The following TCTN2 variants were observed in gnomAD, a reference collection of about 807,000 sequenced individuals.
TCTN2 encodes tectonic-2.
A neutral mutation model predicts 83.4 loss-of-function variants in TCTN2; 66 were observed. The observed-to-expected ratio is 0.79, with a 90% CI of 0.65 to 0.97. The LOEUF is 0.97. Ranked by LOEUF, TCTN2 falls within the 50% of genes least tolerant of loss-of-function variation. The pLI is 0.00. For missense variants in TCTN2, 794 were observed against 858.1 expected (o/e 0.93, Z 0.93); for synonymous variants, 301 against 326.7 (o/e 0.92, Z 0.85).
At chr12:123,707,124 A>T in intron 17 of TCTN2, 51 bp downstream of exon 17, 1 of 1,503,492 alleles carries the variant, frequency 6.7e-7, no homozygotes, top group Non-Finnish European at 9.2e-7. Context: ...AATTTAAAAA[A>T]ATTTTTTAAA....
chr12:123,697,004 TTC>T lies in TCTN2; in HGVS notation c.1394-81_1394-80del. 3 of 1,112,988 alleles carry T rather than the reference TTC, an allele frequency of 2.7e-6. No homozygotes were observed. The South Asian group carries it at 3.8e-5, about 14-fold the overall frequency. 68.9% of individuals were successfully genotyped at this position (1,112,988 alleles called of 1,614,324 possible). Reference sequence around the variant, plus strand: ...GGCAACTTTATTTCTACTTACTGTTTTCTGTTTTTCACGGAAAACTGAAGTTA... The same window carrying T: ...GGCAACTTTATTTCTACTTACTGTTTTGTTTTTCACGGAAAACTGAAGTTA... On this transcript the variant is annotated intron_variant, in intron 12 of 17. Coordinates refer to ENST00000303372, the MANE Select transcript of TCTN2 (RefSeq NM_024809.5).
At chr12:123,699,610 A>C (rs1217221081) in intron 13 of TCTN2, 94 bp from the exon 14 acceptor site, 1 of 1,033,158 alleles carries the variant, frequency 9.7e-7, no homozygotes, top group Non-Finnish European at 1.5e-6. Flanking sequence ...TTTTTAATTT[A>C]GGCACTCGGA....
At chr12:123,677,541 GCT>G (rs1292589844) in intron 4 of TCTN2, among the ~76,000 whole-genome samples, 1 of 152,212 alleles carries the variant, frequency 6.6e-6, no homozygotes. Context: ...GAGTTAGGAG[GCT>G]GAAATGTCGT....
intron 14 of TCTN2, among the ~76,000 whole-genome samples, chr12:123,700,664 C>G (rs890815964): frequency 2.6e-5 from 4 of 152,190 alleles, no homozygotes; most frequent in African/African-American, 9.6e-5. Flanking sequence ...AACTCCTGAC[C>G]CCGTGATCCA....
chr12:123,692,616 C>A (rs1264327844), intron 8 of TCTN2, 42 bp from the exon 9 acceptor site: 2 of 1,441,638 alleles, frequency 1.4e-6, no homozygotes, highest in Non-Finnish European at 9.8e-7. Flanking sequence ...CATGGTAGGC[C>A]ATGTGTACGC....
intron 13 of TCTN2, among the ~76,000 whole-genome samples, chr12:123,699,261 C>T (rs1593862326): frequency 1.3e-5 from 2 of 151,694 alleles, no homozygotes; most frequent in African/African-American, 4.8e-5. Flanking sequence ...CTTATGCGCT[C>T]CTCCCACCTC....
At position 123,679,123 on chromosome 12, in the gene TCTN2, A is replaced by G. The variant is rs1955862031; in HGVS notation, c.464-66A>G. On this transcript the variant is annotated intron_variant, in intron 4 of 17. Coordinates refer to ENST00000303372, the MANE Select transcript of TCTN2 (RefSeq NM_024809.5). ...ATAATTCAGCTTTCTTTTGAATGTC[A>G]AAAATGTGACTGTGCTTTGTCGGAA... The G allele has an allele frequency of 1.3e-5, 18 of 1,437,132 alleles. No individual in the cohort carries two copies. The South Asian group carries it at 1.5e-4, about 12-fold the overall frequency. The allele number at this position is 1,437,132 out of a possible 1,614,324, so 89.0% of individuals were successfully genotyped here. A position where few individuals can be genotyped will look rare whatever the true frequency, so the allele number is the denominator to read the frequency against.
Position 123,671,339 on chromosome 12 carries a change from A to G in TCTN2, c.82+17A>G. ...GGGACCTGGGTGTGTACGGCGCGGC[A>G]GTGACCTCGGTGGGCCGGGGCTGAG... On this transcript the variant is annotated intron_variant, in intron 1 of 17. Coordinates refer to ENST00000303372, the MANE Select transcript of TCTN2 (RefSeq NM_024809.5). The G allele has an allele frequency of 6.2e-7, 1 of 1,612,538 alleles. No homozygotes were observed. The highest frequency in any genetic ancestry group is 8.5e-7 in the Non-Finnish European group (1 of 1,179,376).
chr12:123,678,101 G>A (rs573313861), intron 4 of TCTN2, among the ~76,000 whole-genome samples: 1 of 152,274 alleles, frequency 6.6e-6, no homozygotes, highest in East Asian at 1.9e-4. Flanking sequence ...CCCTCTGAGA[G>A]TGCGAGCCCC....
chr12:123,697,951 C>T (rs747124821), intron 13 of TCTN2, among the ~76,000 whole-genome samples: 10 of 151,630 alleles, frequency 6.6e-5, no homozygotes, highest in Non-Finnish European at 1.5e-4. Flanking sequence ...GCCCCAACCT[C>T]CCCAGGCTCA....
At chr12:123,695,160 GAAT>G (rs1956092336) in intron 10 of TCTN2, 57 bp from the exon 11 acceptor site, 1 of 1,391,514 alleles carries the variant, frequency 7.2e-7, no homozygotes, top group Admixed American at 1.7e-5. Flanking sequence ...ACACTATGGA[GAAT>G]AATTTCTTTT....
chr12:123,682,309 A>G (rs911104831), intron 5 of TCTN2, among the ~76,000 whole-genome samples: 1 of 152,138 alleles, frequency 6.6e-6, no homozygotes, highest in Non-Finnish European at 1.5e-5. Context: ...CTAGTGGCAA[A>G]TGATATAGAA....
rs372083204 is a variant in TCTN2 at position 123,671,348 on chromosome 12, G to A, written c.82+26G>A. On this transcript the variant is annotated intron_variant, in intron 1 of 17. Transcript: ENST00000303372. ...GTGTGTACGGCGCGGCAGTGACCTCGGTGGGCCGGGGCTGAGGGGACTGGG... is the reference window on the plus strand; with the variant it reads ...GTGTGTACGGCGCGGCAGTGACCTCAGTGGGCCGGGGCTGAGGGGACTGGG... 5 of 1,611,452 alleles carry A rather than the reference G, an allele frequency of 3.1e-6. No homozygotes were observed. In the African/African-American group the frequency reaches 6.7e-5, roughly 22 times the overall value.
At chr12:123,674,313 C>G (rs1254822544) in intron 4 of TCTN2, among the ~76,000 whole-genome samples, 1 of 151,986 alleles carries the variant, frequency 6.6e-6, no homozygotes, top group East Asian at 1.9e-4. Context: ...AGTCTGTCAC[C>G]AGGCTGGAGT....
intron 4 of TCTN2, among the ~76,000 whole-genome samples, chr12:123,676,543 G>C (rs1422322938): frequency 6.9e-6 from 1 of 144,440 alleles, no homozygotes; most frequent in Admixed American, 7.1e-5. Flanking sequence ...ACTCCAGCCT[G>C]GGTGACAGAG....
intron 11 of TCTN2, 150 bp from the exon 12 acceptor site, chr12:123,696,265 C>CCCGAAGTTG: frequency 1.5e-6 from 1 of 677,664 alleles, no homozygotes. Context: ...TTTTTTGAGA[C>CCCGAAGTTG]CCGAAGTTGC....
intron 3 of TCTN2, among the ~76,000 whole-genome samples, chr12:123,672,638 G>T (rs745341189): frequency 6.6e-6 from 1 of 151,978 alleles, no homozygotes; most frequent in Non-Finnish European, 1.5e-5. Context: ...GAGGGGGGTG[G>T]GGTAGCTGAG....
At chr12:123,698,102 G>T (rs1271729902) in intron 13 of TCTN2, among the ~76,000 whole-genome samples, 1 of 151,932 alleles carries the variant, frequency 6.6e-6, no homozygotes, top group East Asian at 1.9e-4. Flanking sequence ...GAGTGCAATG[G>T]CATAATCTCA....
chr12:123,702,378 A>C (rs73418174), intron 14 of TCTN2, among the ~76,000 whole-genome samples: 9,530 of 152,194 alleles, frequency 0.063, 482 homozygotes, highest in African/African-American at 0.13. Flanking sequence ...ACAACGGCCC[A>C]TACAGACACA....
Sources: allele counts gnomAD v4.1 joint callset (sites outside exome capture counted in the v4.1 genomes callset), GRCh38; gene constraint gnomAD v4.1.1; transcripts MANE v1.5; gene names NCBI Gene and HGNC (gene_info 2026-07-23, HGNC 2026-07-21).